Variants in FAP observed in about 807,000 individuals in gnomAD.
FAP encodes the protein fibroblast activation protein alpha.
A neutral mutation model predicts 126.5 loss-of-function variants in FAP; 110 were observed. The observed-to-expected ratio is 0.87, with a 90% CI of 0.74 to 1.02. The LOEUF (loss-of-function observed/expected upper bound fraction) is 1.02, where lower values mean the gene tolerates loss of function less well. FAP is among the 50% of genes least tolerant of loss of function. FAP has a pLI of 0.00. For missense variants in FAP, 919 were observed against 909.2 expected (o/e 1.01, Z -0.14); for synonymous variants, 334 against 297.3 (o/e 1.12, Z -1.27).
intron 12 of FAP, among the ~76,000 whole-genome samples, chr2:162,204,852 T>C (rs558000221): frequency 5.9e-5 from 9 of 152,326 alleles, no homozygotes; most frequent in African/African-American, 1.9e-4. Flanking sequence ...CAGAAGGCCA[T>C]TAACCTGAGG....
intron 12 of FAP, among the ~76,000 whole-genome samples, chr2:162,203,949 C>T (rs958315668): frequency 5.9e-5 from 9 of 152,148 alleles, no homozygotes; most frequent in Admixed American, 2.0e-4. Flanking sequence ...AATTAATTGA[C>T]TTGTCTTACA....
intron 21 of FAP, among the ~76,000 whole-genome samples, chr2:162,182,320 A>G (rs1447977211): frequency 6.6e-6 from 1 of 152,204 alleles, no homozygotes. Flanking sequence ...TTAAAATTAG[A>G]ATCTTTCAAG....
chr2:162,179,729 A>G (rs2106217467), intron 21 of FAP, among the ~76,000 whole-genome samples: 1 of 151,780 alleles, frequency 6.6e-6, no homozygotes, highest in Middle Eastern at 3.4e-3. Context: ...GAGAAATAGC[A>G]TGTACAAAAC....
rs76573542 is a variant in FAP, at chr2:162,174,972, G to A, written c.1870-6C>T. The A allele has an allele frequency of 1.6e-3, 2,576 of 1,597,308 alleles. 5 individuals are homozygous for A. The highest frequency in any genetic ancestry group is 1.9e-3 in the Non-Finnish European group (2,255 of 1,165,544). ...GAAACGTATCCTCCATAGGACTGTAGAGACATTGTTATGAGTCAGACTCAG... is the reference window on the plus strand; with the variant it reads ...GAAACGTATCCTCCATAGGACTGTAAAGACATTGTTATGAGTCAGACTCAG... On this transcript the variant is annotated splice_region_variant and splice_polypyrimidine_tract_variant and intron_variant, in intron 21 of 25. Transcript: ENST00000188790.
chr2:162,201,302 A>T (rs1293591081), intron 14 of FAP, among the ~76,000 whole-genome samples: 1 of 152,182 alleles, frequency 6.6e-6, no homozygotes, highest in Admixed American at 6.5e-5. Context: ...TTCTTAGGAC[A>T]ATTAGGCAGT....
intron 6 of FAP, 134 bp from the exon 7 acceptor site, chr2:162,220,059 A>G: frequency 1.6e-6 from 1 of 645,100 alleles, no homozygotes; most frequent in East Asian, 2.7e-5. Flanking sequence ...AAACCTAATG[A>G]AAAGAATGCA....
chr2:162,198,806 G>T lies in FAP; in HGVS notation c.1353C>A (p.Tyr451Ter). Residue 451 changes from tyrosine to a stop codon, truncating the protein, a stop_gained, in exon 16 of 26, where the codon TAC becomes TAA. Transcript: ENST00000188790. LOFTEE classifies it high-confidence loss of function. Reference protein sequence around the residue: ...CHLRKERCQYYTASFSDYAKY... With the variant: ...CHLRKERCQY ...TGGCGTAGTCGCTGAAACTTGCTGT[G>T]TAATATTGGCACCTTTCTTTCCTTA... 1.9e-6 allele frequency: 3 copies of T among 1,614,092 alleles called. No homozygotes were observed. The highest frequency in any genetic ancestry group is 2.5e-6 in the Non-Finnish European group (3 of 1,179,960).
chr2:162,221,989 T>G (rs998903044), intron 6 of FAP, among the ~76,000 whole-genome samples: 13 of 152,002 alleles, frequency 8.6e-5, no homozygotes, highest in African/African-American at 2.9e-4. Context: ...AAATACTAGA[T>G]AGTTGTGCAG....
rs1231437055 is a variant in FAP, at chr2:162,214,045, C to T, written c.895G>A (p.Val299Ile). 6.2e-7 allele frequency: 1 copy of T among 1,613,744 alleles called. No individual in the cohort carries two copies. Among genetic ancestry groups the T allele is most frequent in the Non-Finnish European group, 8.5e-7 (1 of 1,179,898 alleles). Residue 299 changes from valine (V) to isoleucine (I), a missense_variant, in exon 11 of 26, where the codon GTT (valine) becomes ATT (isoleucine). Transcript: ENST00000188790. ...TGCAAACATACTCGTTCATCAGTAACCCACGTGAGCCAACTGAAATAATAA... is the reference window on the plus strand; with the variant it reads ...TGCAAACATACTCGTTCATCAGTAATCCACGTGAGCCAACTGAAATAATAA... ...SDYYFSWLTW[V>I]TDERVCLQWL... is the part of the protein sequence containing the mutation.
chr2:162,175,016 T>C (rs1261282939), intron 21 of FAP, 50 bp from the exon 22 acceptor site: 1 of 1,325,924 alleles, frequency 7.5e-7, no homozygotes, highest in Non-Finnish European at 1.1e-6. Context: ...TCATAAGCTT[T>C]CCTCCATATG....
At chr2:162,177,511 T>C (rs956847338) in intron 21 of FAP, among the ~76,000 whole-genome samples, 2 of 152,096 alleles carry the variant, frequency 1.3e-5, no homozygotes, top group African/African-American at 4.8e-5. Context: ...GCAAATGCTG[T>C]GACCTTCTGC....
chr2:162,225,558 T>C lies in FAP; in HGVS notation c.210A>G (p.Gln70=). 6.3e-7 allele frequency: 1 copy of C among 1,598,582 alleles called. No homozygotes were observed. Among genetic ancestry groups the C allele is most frequent in the Non-Finnish European group, 8.5e-7 (1 of 1,171,666 alleles). The change falls in exon 4 of 26, where the codon CAA becomes CAG. Residue 70 remains glutamine, a synonymous_variant. Coordinates refer to ENST00000188790, the MANE Select transcript of FAP (RefSeq NM_004460.5). The stretch of plus-strand genomic sequence containing the variant: ...AAAGTACTATATTGTTATCTGCAGA[T>C]TGATGAAGATATTCTTGTCCTTTAA... ...NWISGQEYLH[Q]SADNNIVLYN...
intron 15 of FAP, among the ~76,000 whole-genome samples, chr2:162,199,531 T>C (rs1375089957): frequency 1.3e-5 from 2 of 152,102 alleles, no homozygotes; most frequent in Admixed American, 1.3e-4. Flanking sequence ...AGCAGGGTGA[T>C]TGGCTTCAAT....
rs757944497 is a variant in FAP at position 162,242,968 on chromosome 2, C to G, written c.31G>C (p.Val11Leu). The change falls in exon 2 of 26, where the codon GTT becomes CTT. Residue 11 changes from valine to leucine, a missense_variant. Transcript: ENST00000188790. MKTWVKIVFGVATSAVLALLV... is the reference protein window; with the variant it reads MKTWVKIVFGLATSAVLALLV... Reference sequence around the variant, plus strand: ...AAGGCAAGCACAGCAGAGGTGGCAACTCCAAATACGATTTTTACCCAAGTC... The same window carrying G: ...AAGGCAAGCACAGCAGAGGTGGCAAGTCCAAATACGATTTTTACCCAAGTC... 6.2e-7 allele frequency: 1 copy of G among 1,612,814 alleles called. No individual in the cohort carries two copies. Among genetic ancestry groups the G allele is most frequent in the African/African-American group, 1.3e-5 (1 of 74,876 alleles).
chr2:162,199,941 G>A lies in FAP; in HGVS notation c.1277+625C>T, dbSNP rs76227087. On this transcript the variant is annotated intron_variant, in intron 15 of 25. Transcript: ENST00000188790. ...AGGGCTCAGAGATCAGCATGCCCAG[G>A]TACAAATCCTGGCTCCAACAACATT... 5.6e-3 allele frequency among the ~76,000 whole-genome samples: 856 copies of A among 152,286 alleles called. 9 individuals are homozygous for A. The highest frequency in any genetic ancestry group is 5.5e-3 in the Non-Finnish European group (377 of 68,028).
rs1005760195 is a variant in FAP, at chr2:162,194,938, G to A, written c.1403-190C>T. The A allele has an allele frequency of 8.5e-6, 5 of 591,616 alleles. No homozygotes were observed. The Admixed American group carries it at 1.4e-4, about 16-fold the overall frequency. The allele number at this position is 591,616 out of a possible 1,614,324, so 36.6% of individuals were successfully genotyped here. On this transcript the variant is annotated intron_variant, in intron 16 of 25. Coordinates refer to ENST00000188790, the MANE Select transcript of FAP (RefSeq NM_004460.5). Reference sequence around the variant, plus strand: ...CATTTAAACAATACATGAGATCAAAGCCCACTCAAAGAACAGCTGTGAAAG... The same window carrying A: ...CATTTAAACAATACATGAGATCAAAACCCACTCAAAGAACAGCTGTGAAAG...
At chr2:162,235,321 G>A (rs1464170427) in intron 2 of FAP, among the ~76,000 whole-genome samples, 3 of 152,198 alleles carry the variant, frequency 2.0e-5, no homozygotes, top group African/African-American at 2.4e-5. Context: ...GGGACTGGCG[G>A]GCAGCTCCAC....
chr2:162,181,988 G>A (rs1283041446), intron 21 of FAP, among the ~76,000 whole-genome samples: 1 of 152,112 alleles, frequency 6.6e-6, no homozygotes, highest in African/African-American at 2.4e-5. Flanking sequence ...AATTTGCTCT[G>A]AGTCGACCTC....
intron 2 of FAP, among the ~76,000 whole-genome samples, chr2:162,230,406 T>C (rs1249938007): frequency 6.6e-6 from 1 of 152,170 alleles, no homozygotes; most frequent in Non-Finnish European, 1.5e-5. Flanking sequence ...GGCAAAGAAT[T>C]GTATAAGACA....
Sources: gnomAD v4.1 joint callset for allele counts (sites outside exome capture counted in the v4.1 genomes callset) on GRCh38, gnomAD v4.1.1 for gene constraint, MANE v1.5 for transcripts, NCBI Gene and HGNC (gene_info 2026-07-23, HGNC 2026-07-21) for gene names.